Variants in AOX1 observed in about 807,000 individuals in gnomAD.
AOX1 encodes aldehyde oxidase 1, also known as aldehyde oxidase.
AOX1 carries 153 observed loss-of-function variants against 169.5 expected under a neutral mutation model. The observed-to-expected ratio is 0.90, with a 90% CI of 0.79 to 1.03. The LOEUF is 1.03. Among genes scored for constraint, AOX1 ranks in the 50% least tolerant of loss-of-function variants. The pLI is 0.00. For synonymous variants in AOX1, 562 were observed against 581.9 expected, an observed-to-expected ratio of 0.97 and a Z score of 0.49; for missense variants, 1,656 against 1,663.9, an observed-to-expected ratio of 1.00 and a Z score of 0.08.
chr2:200,618,116 A>G (rs1422835885), intron 16 of AOX1, among the ~76,000 whole-genome samples: 1 of 152,146 alleles, frequency 6.6e-6, no homozygotes, highest in Admixed American at 6.5e-5. Flanking sequence ...AGTCCCCTAC[A>G]TTCGTGGCCT....
downstream of AOX1, among the ~76,000 whole-genome samples, chr2:200,672,213 A>T (rs934126565): frequency 6.6e-6 from 1 of 152,228 alleles, no homozygotes; most frequent in Non-Finnish European, 1.5e-5. Flanking sequence ...GAGTGGTGAT[A>T]ATTTTACAAC....
chr2:200,597,424 T>G lies in AOX1; in HGVS notation c.228T>G (p.Ile76Met). ...ATCACCCAGCCAATGCCTGTCTGAT[T>G]CCCATCTGTTCTCTGTATGGTGCTG... ...IRHHPANACL[I>M]PICSLYGAAV... The change falls in exon 4 of 35, where the codon ATT becomes ATG. Residue 76 changes from isoleucine (I) to methionine (M), a missense_variant. By Grantham distance (10) the Ile-to-Met change is conservative (BLOSUM62 1). Transcript: ENST00000374700. 1 of 1,609,992 alleles carries G rather than the reference T, an allele frequency of 6.2e-7. No homozygotes were observed. Among genetic ancestry groups the G allele is most frequent in the African/African-American group, 1.3e-5 (1 of 74,980 alleles).
intron 15 of AOX1, among the ~76,000 whole-genome samples, chr2:200,615,518 C>G (rs1425332399): frequency 6.6e-6 from 1 of 152,088 alleles, no homozygotes; most frequent in East Asian, 1.9e-4. Flanking sequence ...AGCCTGTGTC[C>G]CCCTTTCTAC....
At chr2:200,634,164 A>ATTTTTTTTTTTTTTT (rs58341876) in intron 20 of AOX1, among the ~76,000 whole-genome samples, 277 of 84,976 alleles carry the variant, frequency 3.3e-3, no homozygotes, top group East Asian at 5.3e-3. Flanking sequence ...TTTCTTGAGG[A>ATTTTTTTTTTTTTTT]TTTTTTTTTT....
chr2:200,595,369 G>C lies in AOX1; in HGVS notation c.200+1G>C, dbSNP rs866541106. 2.7e-5 allele frequency: 43 copies of C among 1,609,276 alleles called. 2 individuals carry two copies. The Middle Eastern group carries it at 6.4e-3, about 241-fold the overall frequency. ...ACAACCCCATCACCAAGAGGATAAG[G>C]TACCGTGCAGCAAAGTCCAGATATG... is the stretch of plus-strand genomic sequence containing the variant. On this transcript the variant is annotated splice_donor_variant, in intron 3 of 34. Transcript: ENST00000374700. LOFTEE classifies it high-confidence loss of function.
chr2:200,589,612 TAGC>T (rs71838864), intron 1 of AOX1, among the ~76,000 whole-genome samples: 2,242 of 144,010 alleles, frequency 0.016, 70 homozygotes, highest in African/African-American at 0.052. Flanking sequence ...AGAGAGAGGT[TAGC>T]AGGGTGGGTG....
In AOX1 at chr2:200,605,536, G is replaced by A; in HGVS notation, c.815G>A (p.Gly272Glu). 1 of 1,516,012 alleles carries A rather than the reference G, an allele frequency of 6.6e-7. No individual in the cohort carries two copies. Among genetic ancestry groups the A allele is most frequent in the African/African-American group, 1.4e-5 (1 of 69,784 alleles). 93.9% of individuals were successfully genotyped at this position (1,516,012 alleles called of 1,614,324 possible). ...TTTTTTTTTTTTTTTGATCCTTTAG[G>A]GCCTGAAGTGAAATTTAAAGGCGTC... is the stretch of plus-strand genomic sequence containing the variant. ...APVIMGNTSV[G>E]PEVKFKGVFH... Residue 272 changes from glycine to glutamate, a missense_variant and splice_region_variant, in exon 10 of 35, where the codon GGG (glycine) becomes GAG (glutamate). Physicochemically the swap from Gly to Glu is moderately conservative, Grantham distance 98. Transcript: ENST00000374700.
At chr2:200,635,267 G>C (rs1046812126) in intron 21 of AOX1, among the ~76,000 whole-genome samples, 7 of 152,164 alleles carry the variant, frequency 4.6e-5, no homozygotes, top group Non-Finnish European at 1.0e-4. Flanking sequence ...TTTGTTTGTG[G>C]ATTGTAGCTT....
downstream of AOX1, among the ~76,000 whole-genome samples, chr2:200,677,418 A>G (rs1010430384): frequency 6.6e-6 from 1 of 152,104 alleles, no homozygotes; most frequent in Non-Finnish European, 1.5e-5. Context: ...TCTTTCTTGC[A>G]TCTCTCTCTT....
chr2:200,588,725 G>GTTTTTTTTTTTTTTTT (rs1247445142), intron 1 of AOX1, among the ~76,000 whole-genome samples: 3 of 40,886 alleles, frequency 7.3e-5, no homozygotes, highest in Non-Finnish European at 1.3e-4. Flanking sequence ...ACTAGAATAA[G>GTTTTTTTTTTTTTTTT]CTTTTTTTTT....
chr2:200,592,655 A>G (rs949415896), intron 1 of AOX1, among the ~76,000 whole-genome samples: 7 of 152,284 alleles, frequency 4.6e-5, no homozygotes, highest in Admixed American at 3.3e-4. Context: ...GATTGGGGCC[A>G]TGGCTGGTTA....
intron 26 of AOX1, among the ~76,000 whole-genome samples, chr2:200,655,226 A>C (rs987111801): frequency 6.6e-6 from 1 of 152,166 alleles, no homozygotes. Flanking sequence ...GAGATTCCTT[A>C]GGACGTGATC....
downstream of AOX1, among the ~76,000 whole-genome samples, chr2:200,675,024 G>C (rs2036077093): frequency 6.6e-6 from 1 of 152,234 alleles, no homozygotes; most frequent in Non-Finnish European, 1.5e-5. Context: ...CAGCCTGGGA[G>C]TGAGTGCATG....
At chr2:200,586,449 C>G (rs2034032892) in intron 1 of AOX1, among the ~76,000 whole-genome samples, 1 of 152,186 alleles carries the variant, frequency 6.6e-6, no homozygotes. Flanking sequence ...CCTCCCTAAA[C>G]AGTAAGATAA....
Position 200,621,124 on chromosome 2 carries a change from A to G in AOX1, c.1879A>G (p.Ile627Val). 1 of 1,613,032 alleles carries G rather than the reference A, an allele frequency of 6.2e-7. No individual in the cohort carries two copies. The highest frequency in any genetic ancestry group is 8.5e-7 in the Non-Finnish European group (1 of 1,179,754). Residue 627 changes from isoleucine to valine, a missense_variant, in exon 18 of 35, where the codon ATT (isoleucine) becomes GTT (valine). Coordinates refer to ENST00000374700, the MANE Select transcript of AOX1 (RefSeq NM_001159.4). The part of the protein sequence containing the change: ...SSRAHAKIVS[I>V]DLSEALSMPG... ...TCTGCTGTGTATATCATCTAGGTCT[A>G]TTGATCTGTCAGAAGCTCTCAGCAT...
chr2:200,620,546 G>T, intron 16 of AOX1, 104 bp from the exon 17 acceptor site: 2 of 1,079,060 alleles, frequency 1.9e-6, no homozygotes, highest in Middle Eastern at 5.4e-4. Flanking sequence ...ATTCTGGTTT[G>T]AGTCTAAATT....
chr2:200,633,744 T>G (rs2035174479), intron 20 of AOX1, among the ~76,000 whole-genome samples: 1 of 152,228 alleles, frequency 6.6e-6, no homozygotes, highest in African/African-American at 2.4e-5. Flanking sequence ...ATTTTCTTGG[T>G]TCCTGGTATG....
chr2:200,599,763 T>C lies in AOX1; in HGVS notation c.436+17T>C, dbSNP rs1574909954. On this transcript the variant is annotated intron_variant, in intron 5 of 34. Transcript: ENST00000374700. Reference sequence around the variant, plus strand: ...CCCTTGGTGGTAGGTTATATATGCATGCTTTTATTTTTTAATTTTTATTTA... The same window carrying C: ...CCCTTGGTGGTAGGTTATATATGCACGCTTTTATTTTTTAATTTTTATTTA... The C allele has an allele frequency of 2.0e-6, 3 of 1,466,278 alleles. No homozygotes were observed. In the South Asian group the frequency reaches 4.5e-5, roughly 22 times the overall value. The allele number at this position is 1,466,278 out of a possible 1,614,324, so 90.8% of individuals were successfully genotyped here.
intron 10 of AOX1, 45 bp from the exon 11 acceptor site, chr2:200,608,939 T>A: frequency 6.4e-7 from 1 of 1,573,556 alleles, no homozygotes; most frequent in Non-Finnish European, 8.7e-7. Context: ...CATTTTCAGA[T>A]CAGCAGTGAT....
Sources: gnomAD v4.1 joint callset for allele counts (sites outside exome capture counted in the v4.1 genomes callset) on GRCh38, gnomAD v4.1.1 for gene constraint, MANE v1.5 for transcripts, NCBI Gene and HGNC (gene_info 2026-07-23, HGNC 2026-07-21) for gene names.